Variants in SNX13 observed in about 807,000 individuals in gnomAD.
SNX13 encodes the protein sorting nexin-13.
In SNX13, 45 loss-of-function variants were observed where a neutral mutation model predicts 133.6. The ratio of observed to expected loss-of-function variants is 0.34; its 90% confidence interval spans 0.27 to 0.43. The LOEUF (loss-of-function observed/expected upper bound fraction) is 0.43. Among genes scored for constraint, SNX13 ranks in the 20% least tolerant of loss-of-function variants. The pLI is 1.00. For missense variants in SNX13, 1,032 were observed against 1,145.1 expected, an observed-to-expected ratio of 0.90 and a Z score of 1.43; for synonymous variants, 414 against 373.9, an observed-to-expected ratio of 1.11 and a Z score of -1.24.
At chr7:17,933,710 A>G (rs543683190) in intron 1 of SNX13, among the ~76,000 whole-genome samples, 75 of 151,874 alleles carry the variant, frequency 4.9e-4, no homozygotes, top group African/African-American at 1.8e-3. Context: ...ATTTCCCCTC[A>G]GGACCCACCC....
At chr7:17,920,914 A>C (rs1395547279) in intron 1 of SNX13, among the ~76,000 whole-genome samples, 3 of 152,238 alleles carry the variant, frequency 2.0e-5, no homozygotes, top group Admixed American at 6.5e-5. Flanking sequence ...ATAAAAGTAA[A>C]GAAATAGTAA....
chr7:17,881,746 T>C (rs1795378408), intron 5 of SNX13: 1 of 151,180 alleles, frequency 6.6e-6, no homozygotes, highest in African/African-American at 2.5e-5. Flanking sequence ...TCACTCTAAA[T>C]ACATAATCCT....
chr7:17,834,888 AT>A, intron 13 of SNX13, 23 bp from the exon 14 acceptor site: 1 of 1,350,472 alleles, frequency 7.4e-7, no homozygotes, highest in Non-Finnish European at 1.1e-6. Flanking sequence ...AATAATAGTA[AT>A]GATCTCTGTA....
At chr7:17,886,584 C>T (rs144994236) in intron 5 of SNX13, among the ~76,000 whole-genome samples, 1 of 150,478 alleles carries the variant, frequency 6.6e-6, no homozygotes, top group East Asian at 2.0e-4. Flanking sequence ...AGTGAGACTC[C>T]GTCTCAAAAA....
Position 17,882,762 on chromosome 7 carries a change from G to C in SNX13, c.441-6972C>G, listed in dbSNP as rs547378009. The C allele has an allele frequency of 4.3e-6, 5 of 1,150,966 alleles. No individual in the cohort carries two copies. The East Asian group carries it at 3.1e-4, about 72-fold the overall frequency. 71.3% of individuals were successfully genotyped at this position (1,150,966 alleles called of 1,614,324 possible). The stretch of plus-strand genomic sequence containing the variant: ...CAGAGAATCTTACTATTTTAGAACT[G>C]AAAGGGTTCTCAAATCACTACCACA... On this transcript the variant is annotated intron_variant, in intron 5 of 25. Coordinates refer to ENST00000428135, the MANE Select transcript of SNX13 (RefSeq NM_015132.5).
intron 1 of SNX13, chr7:17,899,374 T>C (rs1258253033): frequency 1.3e-5 from 2 of 152,138 alleles, no homozygotes; most frequent in Non-Finnish European, 2.9e-5. Flanking sequence ...AGGCTCTCTG[T>C]TATTATCTAT....
chr7:17,799,195 A>G (rs1435543933), intron 22 of SNX13, 41 bp from the exon 23 acceptor site: 1 of 1,512,330 alleles, frequency 6.6e-7, no homozygotes, highest in Non-Finnish European at 8.9e-7. Flanking sequence ...TGAGTTAGCT[A>G]TCTACTATGA....
chr7:17,876,091 T>C (rs1794693658), intron 5 of SNX13, among the ~76,000 whole-genome samples: 1 of 152,244 alleles, frequency 6.6e-6, no homozygotes, highest in Admixed American at 6.5e-5. Flanking sequence ...GAAGTGAATC[T>C]GACAACAGTA....
In SNX13 at chr7:17,796,887, T is replaced by C. The variant is rs1235533575; in HGVS notation, c.2566A>G (p.Lys856Glu). The change falls in exon 25 of 26, where the codon AAA (lysine) becomes GAA (glutamate). Residue 856 changes from lysine (K) to glutamate (E), a missense_variant. By Grantham distance (56) the Lys-to-Glu change is moderately conservative. Coordinates refer to ENST00000428135, the MANE Select transcript of SNX13 (RefSeq NM_015132.5). ...ACTCTTGTTCTCATTCGAATACTTT[T>C]ATCTCTGCATGGAACAGCCTCTGCT... The part of the protein sequence containing the change: ...ILAEAVPCRD[K>E]SIRMRTRVAG... The C allele has an allele frequency of 6.2e-6, 10 of 1,611,242 alleles. No individual in the cohort carries two copies. In the Admixed American group the frequency reaches 6.7e-5, roughly 11 times the overall value.
rs1175623100 is a variant in SNX13 at position 17,831,737 on chromosome 7, T to C, written c.1598-1690A>G. ...AATTTCAGAATATCTAAAAAATGCATGTAGTGCTCAGCAGCTTAATTTTAA... is the reference window on the plus strand; with the variant it reads ...AATTTCAGAATATCTAAAAAATGCACGTAGTGCTCAGCAGCTTAATTTTAA... On this transcript the variant is annotated intron_variant, in intron 15 of 25. Transcript: ENST00000428135. 1.1e-5 allele frequency: 11 copies of C among 983,860 alleles called. No homozygotes were observed. The Middle Eastern group carries it at 2.1e-3, about 185-fold the overall frequency. The allele number at this position is 983,860 out of a possible 1,614,324, so 60.9% of individuals were successfully genotyped here.
intron 1 of SNX13, among the ~76,000 whole-genome samples, chr7:17,912,925 G>T (rs1298130632): frequency 6.6e-6 from 1 of 152,162 alleles, no homozygotes; most frequent in Non-Finnish European, 1.5e-5. Flanking sequence ...CACAGGACTG[G>T]AGCAGGAAGA....
At chr7:17,856,334 G>C (rs1227622299) in intron 9 of SNX13, among the ~76,000 whole-genome samples, 1 of 152,034 alleles carries the variant, frequency 6.6e-6, no homozygotes, top group African/African-American at 2.4e-5. Context: ...AAACTAAAAA[G>C]CAAGAAATTA....
chr7:17,817,262 A>G (rs996882136), intron 18 of SNX13, among the ~76,000 whole-genome samples: 57 of 152,350 alleles, frequency 3.7e-4, no homozygotes, highest in African/African-American at 1.3e-3. Flanking sequence ...TTTTTTAACC[A>G]TACGAGCTGC....
intron 5 of SNX13, chr7:17,882,779 A>T: frequency 1.7e-6 from 2 of 1,200,968 alleles, no homozygotes; most frequent in South Asian, 3.0e-5. Flanking sequence ...TTCTCAAATC[A>T]CTACCACAAT....
In SNX13 at chr7:17,791,382, T is replaced by C. The variant is rs565404417; in HGVS notation, c.*2663A>G. The C allele has an allele frequency of 2.7e-5, 4 of 149,174 alleles. No individual in the cohort carries two copies. The highest frequency in any genetic ancestry group is 6.7e-5 in the Admixed American group (1 of 14,952). The allele number at this position is 149,174 out of a possible 1,614,324, so 9.2% of individuals were successfully genotyped here. A position where few individuals can be genotyped will look rare whatever the true frequency, so the allele number is the denominator to read the frequency against. On this transcript the variant is annotated 3_prime_UTR_variant, in exon 26 of 26. Transcript: ENST00000428135. ...CTGAAATATTCAAGAAAGTTTTTGT[T>C]TTTTTTTTTTTTAAAAAAATTAAGG...
At chr7:17,885,416 T>A (rs920805048) in intron 5 of SNX13, among the ~76,000 whole-genome samples, 1 of 152,172 alleles carries the variant, frequency 6.6e-6, no homozygotes, top group Admixed American at 6.5e-5. Flanking sequence ...TTAAATTTAT[T>A]GTGATGAAAG....
At chr7:17,827,670 A>C (rs964431517) in intron 16 of SNX13, among the ~76,000 whole-genome samples, 1 of 151,954 alleles carries the variant, frequency 6.6e-6, no homozygotes, top group African/African-American at 2.4e-5. Context: ...GACTTTAACC[A>C]TATCAACTAC....
chr7:17,852,999 G>A (rs566770906), intron 9 of SNX13, among the ~76,000 whole-genome samples: 37 of 152,242 alleles, frequency 2.4e-4, no homozygotes, highest in African/African-American at 8.4e-4. Flanking sequence ...TGAGCTAAGA[G>A]AAAAGATGTG....
In SNX13 at chr7:17,892,007, C is replaced by G. The variant is rs575478957; in HGVS notation, c.229-372G>C. Among the ~76,000 whole-genome samples the G allele has an allele frequency of 2.6e-5, 4 of 152,064 alleles. No individual in the cohort carries two copies. The South Asian group carries it at 8.3e-4, about 31-fold the overall frequency. ...GCCCCTCCCCTTTCCCAGCCCAAAA[C>G]AGTATACCAGCTGCAAAATAATTAA... On this transcript the variant is annotated intron_variant, in intron 3 of 25. Transcript: ENST00000428135.
Sources: gnomAD v4.1 joint callset for allele counts (sites outside exome capture counted in the v4.1 genomes callset) on GRCh38, gnomAD v4.1.1 for gene constraint, MANE v1.5 for transcripts, NCBI Gene and HGNC (gene_info 2026-07-23, HGNC 2026-07-21) for gene names.